Variants in ITCH observed in about 807,000 individuals in gnomAD.
ITCH encodes E3 ubiquitin-protein ligase Itchy homolog.
A neutral mutation model predicts 126.8 loss-of-function variants in ITCH; 28 were observed. The ratio of observed to expected loss-of-function variants is 0.22; its 90% CI spans 0.16 to 0.30. The LOEUF (loss-of-function observed/expected upper bound fraction) is 0.30. ITCH is among the 10% of genes least tolerant of loss of function. The pLI is 1.00. For synonymous variants in ITCH, 342 were observed against 340.0 expected, an observed-to-expected ratio of 1.01 and a Z score of -0.06; for missense variants, 631 against 1,032.4, an observed-to-expected ratio of 0.61 and a Z score of 5.33.
chr20:34,384,060 T>G (rs1434221209), intron 2 of ITCH: 1 of 152,208 alleles, frequency 6.6e-6, no homozygotes, highest in Non-Finnish European at 1.5e-5. Context: ...GTCAGGCTGC[T>G]CTTGAACTCC....
At chr20:34,423,190 G>A (rs1404279552) in intron 6 of ITCH, among the ~76,000 whole-genome samples, 1 of 152,086 alleles carries the variant, frequency 6.6e-6, no homozygotes, top group African/African-American at 2.4e-5. Flanking sequence ...CTTTCACTTA[G>A]CATAATGTTT....
intron 3 of ITCH, among the ~76,000 whole-genome samples, chr20:34,405,915 C>T (rs920690483): frequency 6.6e-6 from 1 of 151,712 alleles, no homozygotes; most frequent in Admixed American, 6.6e-5. Flanking sequence ...CGGCCTATTA[C>T]ATTTTAATCA....
intron 13 of ITCH, among the ~76,000 whole-genome samples, chr20:34,458,633 C>A (rs1233728816): frequency 6.6e-6 from 1 of 152,186 alleles, no homozygotes; most frequent in African/African-American, 2.4e-5. Flanking sequence ...GGGCCATGCT[C>A]ACTCAGAAGA....
intron 10 of ITCH, among the ~76,000 whole-genome samples, chr20:34,442,964 A>G (rs1211752381): frequency 6.6e-6 from 1 of 150,728 alleles, no homozygotes; most frequent in Non-Finnish European, 1.5e-5. Flanking sequence ...CGACAGAGCA[A>G]GACTCTGTCT....
intron 6 of ITCH, among the ~76,000 whole-genome samples, chr20:34,423,845 C>T (rs562537888): frequency 1.1e-4 from 17 of 152,174 alleles, no homozygotes; most frequent in Non-Finnish European, 2.1e-4. Flanking sequence ...TGAGGTGATT[C>T]GCCCACCTTG....
chr20:34,383,543 A>G (rs1601767612), intron 2 of ITCH, among the ~76,000 whole-genome samples: 1 of 150,674 alleles, frequency 6.6e-6, no homozygotes, highest in Non-Finnish European at 1.5e-5. Context: ...ATTTTGTATT[A>G]TCAGTAGAGA....
chr20:34,463,667 T>G (rs1413148384), intron 14 of ITCH, among the ~76,000 whole-genome samples: 3 of 152,066 alleles, frequency 2.0e-5, no homozygotes, highest in African/African-American at 7.2e-5. Flanking sequence ...AATGTCGTAT[T>G]TCATTGTGGT....
chr20:34,507,101 TGGA>T (rs1990663450), intron 24 of ITCH, among the ~76,000 whole-genome samples: 1 of 152,176 alleles, frequency 6.6e-6, no homozygotes, highest in Non-Finnish European at 1.5e-5. Context: ...TACCCAGAGG[TGGA>T]ATTCCTTGAT....
chr20:34,502,979 T>G (rs1274248026), intron 23 of ITCH, among the ~76,000 whole-genome samples: 2 of 152,184 alleles, frequency 1.3e-5, no homozygotes, highest in Non-Finnish European at 2.9e-5. Flanking sequence ...GCCACTGCCA[T>G]CCAGCCAGGG....
At chr20:34,491,317 T>C (rs1472282145) in intron 22 of ITCH, among the ~76,000 whole-genome samples, 2 of 152,192 alleles carry the variant, frequency 1.3e-5, no homozygotes, top group African/African-American at 2.4e-5. Flanking sequence ...ACAAATACTG[T>C]ATAATTCCAC....
intron 10 of ITCH, among the ~76,000 whole-genome samples, chr20:34,443,765 G>A (rs896737190): frequency 4.6e-5 from 7 of 151,970 alleles, no homozygotes; most frequent in African/African-American, 7.3e-5. Context: ...TAGGATGGGC[G>A]CTTGAGGCCA....
chr20:34,478,467 A>G (rs1988431594), intron 17 of ITCH, among the ~76,000 whole-genome samples: 1 of 152,230 alleles, frequency 6.6e-6, no homozygotes, highest in South Asian at 2.1e-4. Flanking sequence ...TTATTCCATG[A>G]TAATATATCA....
chr20:34,404,153 G>A lies in ITCH; in HGVS notation c.71-4498G>A, dbSNP rs2038974788. Among the ~76,000 whole-genome samples the A allele has an allele frequency of 2.6e-5, 4 of 152,122 alleles. No homozygotes were observed. The South Asian group carries it at 8.3e-4, about 31-fold the overall frequency. On this transcript the variant is annotated intron_variant, in intron 3 of 24. Transcript: ENST00000374864. ...TTAGAGGCCTCTCATAGTAGCCCAG[G>A]TGTCAGATGAGACTGACATTTTTCT...
chr20:34,416,196 T>C (rs6141469), intron 6 of ITCH, among the ~76,000 whole-genome samples: 83,793 of 151,766 alleles, frequency 0.55, 23,690 homozygotes, highest in African/African-American at 0.65. Context: ...GTTGGGAGTT[T>C]GAGACCAGCC....
chr20:34,476,187 A>C, intron 16 of ITCH: 1 of 800,948 alleles, frequency 1.2e-6, no homozygotes, highest in Non-Finnish European at 2.3e-6. Context: ...TATCTGGATT[A>C]TTTTCAACCA....
At chr20:34,439,916 AC>A (rs1260316227) in intron 8 of ITCH, among the ~76,000 whole-genome samples, 2 of 152,230 alleles carry the variant, frequency 1.3e-5, no homozygotes, top group Non-Finnish European at 2.9e-5. Context: ...GAGAACCTGT[AC>A]ATGCTTCGTG....
intron 14 of ITCH, among the ~76,000 whole-genome samples, chr20:34,468,320 T>C (rs1441503555): frequency 1.3e-5 from 2 of 151,228 alleles, no homozygotes; most frequent in Non-Finnish European, 1.5e-5. Context: ...AGGCGTGAGC[T>C]GCTGCGCCCT....
intron 14 of ITCH, among the ~76,000 whole-genome samples, chr20:34,467,691 T>C (rs1426429584): frequency 7.0e-6 from 1 of 141,956 alleles, no homozygotes; most frequent in African/African-American, 2.7e-5. Flanking sequence ...TTTTTTTTTT[T>C]TTTTTTTTTT....
intron 24 of ITCH, among the ~76,000 whole-genome samples, chr20:34,505,274 T>TCAG (rs1990546153): frequency 6.6e-6 from 1 of 152,054 alleles, no homozygotes; most frequent in African/African-American, 2.4e-5. Context: ...AAACTCCTGA[T>TCAG]CTCAGGTGAT....
Sources: gnomAD v4.1 joint callset for allele counts (sites outside exome capture counted in the v4.1 genomes callset) on GRCh38, gnomAD v4.1.1 for gene constraint, MANE v1.5 for transcripts, NCBI Gene and HGNC (gene_info 2026-07-23, HGNC 2026-07-21) for gene names.